Variants in SPECC1L observed in about 807,000 individuals in gnomAD.
SPECC1L encodes cytospin-A.
SPECC1L carries 40 observed loss-of-function variants against 116.8 expected under a neutral mutation model. The observed-to-expected ratio is 0.34, with a 90% CI of 0.27 to 0.45. SPECC1L has a LOEUF of 0.45. Among genes scored for constraint, SPECC1L ranks in the 20% least tolerant of loss-of-function variants. The pLI is 1.00. For missense variants in SPECC1L, 1,110 were observed against 1,373.6 expected (o/e 0.81, Z 3.03); for synonymous variants, 504 against 500.6 (o/e 1.01, Z -0.09).
intron 11 of SPECC1L, among the ~76,000 whole-genome samples, chr22:24,357,847 A>G (rs1173020079): frequency 6.6e-6 from 1 of 152,176 alleles, no homozygotes; most frequent in Admixed American, 6.5e-5. Context: ...TCAGACAGAG[A>G]GCCTGTCTTA....
rs17004905 is a variant in SPECC1L, at chr22:24,362,864, G to T, written c.2744-397G>T. The stretch of plus-strand genomic sequence containing the variant: ...ATCCCATCCTGACTTGTCTGTGGTT[G>T]TATATATTAATGTGTGTAGCTTCCA... On this transcript the variant is annotated intron_variant, in intron 11 of 16. Transcript: ENST00000314328. Among the ~76,000 whole-genome samples the T allele has an allele frequency of 7.8e-3, 1,182 of 152,238 alleles. 86 individuals carry two copies. The East Asian group carries it at 0.19, about 25-fold the overall frequency.
At chr22:24,332,988 G>A (rs1358450650) in intron 8 of SPECC1L, among the ~76,000 whole-genome samples, 3 of 152,134 alleles carry the variant, frequency 2.0e-5, no homozygotes, top group African/African-American at 7.2e-5. Flanking sequence ...CAGCACTTTG[G>A]GAGGCCTAGG....
At chr22:24,318,627 A>T (rs928345301) in intron 4 of SPECC1L, among the ~76,000 whole-genome samples, 1 of 151,992 alleles carries the variant, frequency 6.6e-6, no homozygotes, top group African/African-American at 2.4e-5. Context: ...GTTGGGGAAA[A>T]AAGTTACCCC....
In SPECC1L at chr22:24,397,408, G is replaced by C. The variant is rs565797584; in HGVS notation, c.3088-14180G>C. ...CTGGATGTCCCAGGTCAGACTAAAT[G>C]CACTGCCTGTGATTTCAGAAATAGG... is the stretch of plus-strand genomic sequence containing the variant. On this transcript the variant is annotated intron_variant, in intron 14 of 16. Transcript: ENST00000314328. Among the ~76,000 whole-genome samples, 8 of 152,278 alleles carry C rather than the reference G, an allele frequency of 5.3e-5. No individual in the cohort carries two copies. In the South Asian group the frequency reaches 1.7e-3, roughly 32 times the overall value.
At chr22:24,399,414 C>G (rs1601349258) in intron 14 of SPECC1L, among the ~76,000 whole-genome samples, 1 of 151,864 alleles carries the variant, frequency 6.6e-6, no homozygotes, top group African/African-American at 2.4e-5. Flanking sequence ...ACTAAAAATA[C>G]AAAAAATTAG....
At chr22:24,337,722 T>A (rs2041089148) in intron 9 of SPECC1L, among the ~76,000 whole-genome samples, 1 of 152,198 alleles carries the variant, frequency 6.6e-6, no homozygotes, top group South Asian at 2.1e-4. Context: ...TGTATCCCAT[T>A]TTTAATTTAA....
intron 14 of SPECC1L, among the ~76,000 whole-genome samples, chr22:24,391,206 G>T (rs1012870636): frequency 1.3e-5 from 2 of 152,080 alleles, no homozygotes; most frequent in African/African-American, 4.8e-5. Context: ...CACAGCAGAG[G>T]TTAATTGATG....
At chr22:24,393,009 A>G (rs907970292) in intron 14 of SPECC1L, among the ~76,000 whole-genome samples, 1 of 152,186 alleles carries the variant, frequency 6.6e-6, no homozygotes, top group African/African-American at 2.4e-5. Flanking sequence ...CGAGAGGGAG[A>G]GACAGGCATA....
rs758077260 is a variant in SPECC1L at position 24,389,518 on chromosome 22, G to GT, written c.3087+20212dup. ...TATTTGTGTTTGTGGGGGCTTTCGG[G>GT]TTTTTTTTTTTTTTAGGGAAAGGAT... is the stretch of plus-strand genomic sequence containing the variant. On this transcript the variant is annotated intron_variant, in intron 14 of 16. Coordinates refer to ENST00000314328, the MANE Select transcript of SPECC1L (RefSeq NM_015330.6). Among the ~76,000 whole-genome samples, 524 of 138,774 alleles carry GT rather than the reference G, an allele frequency of 3.8e-3. 1 individual carries two copies. The highest frequency in any genetic ancestry group is 8.9e-3 in the South Asian group (39 of 4,358). The allele number at this position is 138,774 out of a possible 152,430, so 91.0% of individuals were successfully genotyped here.
intron 2 of SPECC1L, among the ~76,000 whole-genome samples, chr22:24,296,851 T>C (rs545728536): frequency 4.1e-4 from 62 of 152,354 alleles, no homozygotes; most frequent in African/African-American, 1.3e-3. Context: ...CTATAGGCAT[T>C]TATTTAATAG....
intron 14 of SPECC1L, among the ~76,000 whole-genome samples, chr22:24,404,168 G>A (rs1295531905): frequency 2.6e-5 from 4 of 152,124 alleles, no homozygotes; most frequent in Non-Finnish European, 5.9e-5. Flanking sequence ...CCTTCCCTGT[G>A]TTCCATTAAA....
chr22:24,273,839 A>G (rs925324743), intron 1 of SPECC1L, among the ~76,000 whole-genome samples: 1 of 152,176 alleles, frequency 6.6e-6, no homozygotes, highest in African/African-American at 2.4e-5. Context: ...GCTCACCGCA[A>G]CCTACGCCTC....
intron 13 of SPECC1L, among the ~76,000 whole-genome samples, chr22:24,367,911 A>G (rs974286492): frequency 1.6e-4 from 24 of 152,190 alleles, no homozygotes; most frequent in African/African-American, 4.8e-4. Context: ...CAGTCTTTTA[A>G]GCACAGGCTA....
chr22:24,342,672 CA>C (rs35947804), intron 10 of SPECC1L, among the ~76,000 whole-genome samples: 52,304 of 101,762 alleles, frequency 0.51, 9,665 homozygotes, highest in Admixed American at 0.58. Flanking sequence ...GACTCCATCT[CA>C]AAAAAAAAAA....
Position 24,302,359 on chromosome 22 carries a change from C to T in SPECC1L, c.128C>T (p.Pro43Leu), listed in dbSNP as rs1475753724. Reference sequence around the variant, plus strand: ...TCTACGGGAGGCAAACTTGTAAAACCTGGAACAGCAGCATCATTGTCAAAG... The same window carrying T: ...TCTACGGGAGGCAAACTTGTAAAACTTGGAACAGCAGCATCATTGTCAAAG... The part of the protein sequence containing the change: ...SASTGGKLVK[P>L]GTAASLSKTK... Residue 43 changes from proline (P) to leucine (L), a missense_variant, in exon 3 of 17, where the codon CCT becomes CTT. Pro to Leu is a moderately conservative substitution (Grantham distance 98). Around this residue, in one of 4 missense-constraint regions of SPECC1L, gnomAD observed 437 missense variants for 482.6 expected, o/e 0.91. Coordinates refer to ENST00000314328, the MANE Select transcript of SPECC1L (RefSeq NM_015330.6). The T allele has an allele frequency of 1.5e-5, 25 of 1,614,110 alleles. No homozygotes were observed. Among genetic ancestry groups the T allele is most frequent in the Non-Finnish European group, 2.1e-5 (25 of 1,180,022 alleles).
intron 14 of SPECC1L, among the ~76,000 whole-genome samples, chr22:24,397,197 G>C (rs910314539): frequency 1.3e-5 from 2 of 152,186 alleles, no homozygotes; most frequent in Non-Finnish European, 2.9e-5. Flanking sequence ...ACAGTATCTA[G>C]TAGGTGTAGA....
intron 11 of SPECC1L, among the ~76,000 whole-genome samples, chr22:24,362,405 T>C (rs1357772708): frequency 6.6e-6 from 1 of 152,146 alleles, no homozygotes; most frequent in Admixed American, 6.5e-5. Context: ...AGCTTGTGTT[T>C]AGAGAACAAG....
chr22:24,292,281 G>A (rs1444738436), intron 2 of SPECC1L, among the ~76,000 whole-genome samples: 1 of 152,208 alleles, frequency 6.6e-6, no homozygotes, highest in African/African-American at 2.4e-5. Context: ...AACTTGATTG[G>A]TGTGTTTTTC....
At chr22:24,389,572 A>G (rs2146727274) in intron 14 of SPECC1L, among the ~76,000 whole-genome samples, 1 of 151,520 alleles carries the variant, frequency 6.6e-6, no homozygotes, top group South Asian at 2.1e-4. Context: ...TACTGCAGCC[A>G]GAAGTTTCCT....
Sources: allele counts gnomAD v4.1 joint callset (sites outside exome capture counted in the v4.1 genomes callset), GRCh38; gene constraint gnomAD v4.1.1; regional missense constraint gnomAD v4.1.1; transcripts MANE v1.5; gene names NCBI Gene and HGNC (gene_info 2026-07-23, HGNC 2026-07-21).